DLGAP2: variants seen among roughly 807,000 people sequenced by gnomAD.
The protein encoded by DLGAP2 is DLG associated protein 2, also known as disks large-associated protein 2.
In DLGAP2, 26 loss-of-function variants were observed where a neutral mutation model predicts 100.3. The observed-to-expected ratio is 0.26, with a 90% CI of 0.19 to 0.36. The LOEUF (loss-of-function observed/expected upper bound fraction) is 0.36, where lower values mean the gene tolerates loss of function less well. DLGAP2 is among the 10% of genes least tolerant of loss of function. The probability of loss-of-function intolerance (pLI) is 1.00; values close to 1 mark genes in which losing one functional copy is unlikely to be tolerated. For synonymous variants in DLGAP2, 886 were observed against 630.1 expected (o/e 1.41, Z -6.08); for missense variants, 1,858 against 1,453.2 (o/e 1.28, Z -4.53).
chr8:1,365,828 G>A (rs972229213), intron 3 of DLGAP2, among the ~76,000 whole-genome samples: 3 of 152,252 alleles, frequency 2.0e-5, no homozygotes, highest in Non-Finnish European at 1.5e-5. Flanking sequence ...GGGGCCCTGG[G>A]GGGCCGCAGC....
At position 1,502,828 on chromosome 8, in the gene DLGAP2, C is replaced by A. The variant is rs568539235; in HGVS notation, c.172+1397C>A. Among the ~76,000 whole-genome samples, 5 of 152,308 alleles carry A rather than the reference C, an allele frequency of 3.3e-5. No homozygotes were observed. In the East Asian group the frequency reaches 7.7e-4, roughly 24 times the overall value. On this transcript the variant is annotated intron_variant, in intron 4 of 14. Coordinates refer to ENST00000637795, the MANE Select transcript of DLGAP2 (RefSeq NM_001346810.2). Reference sequence around the variant, plus strand: ...TGTCATAGTTGTGTCTATTCCAGTTCTTCTCCATAGCAGCGGCGCCCACGT... The same window carrying A: ...TGTCATAGTTGTGTCTATTCCAGTTATTCTCCATAGCAGCGGCGCCCACGT...
Position 1,274,695 on chromosome 8 carries a change from C to CTTT in DLGAP2, c.106+15839_106+15841dup, listed in dbSNP as rs145930765. Among the ~76,000 whole-genome samples the CTTT allele has an allele frequency of 3.6e-4, 8 of 22,210 alleles. 1 individual carries two copies. Among genetic ancestry groups the CTTT allele is most frequent in the East Asian group, 1.5e-3 (1 of 664 alleles). The allele number at this position is 22,210 out of a possible 152,430, so 14.6% of individuals were successfully genotyped here. A position where few individuals can be genotyped will look rare whatever the true frequency, so the allele number is the denominator to read the frequency against. On this transcript the variant is annotated intron_variant, in intron 3 of 14. Coordinates refer to ENST00000637795, the MANE Select transcript of DLGAP2 (RefSeq NM_001346810.2). ...TTCTGAGATAGTTGTTTTCATTTAT[C>CTTT]TTTTTTTTTTTTTTTTTTTTTTTTT...
In DLGAP2 at chr8:1,530,025, G is replaced by A. The variant is rs149918176; in HGVS notation, c.173-18601G>A. ...GGGTGAGATCACAGGACCACAGGAC[G>A]GGAGCGAAATTAAAATTGCTAATGA... On this transcript the variant is annotated intron_variant, in intron 4 of 14. Coordinates refer to ENST00000637795, the MANE Select transcript of DLGAP2 (RefSeq NM_001346810.2). Among the ~76,000 whole-genome samples, 202 of 152,294 alleles carry A rather than the reference G, an allele frequency of 1.3e-3. 1 individual carries two copies. The highest frequency in any genetic ancestry group is 4.5e-3 in the African/African-American group (188 of 41,558).
At chr8:1,163,678 G>A (rs1796936187) in intron 2 of DLGAP2, among the ~76,000 whole-genome samples, 1 of 152,208 alleles carries the variant, frequency 6.6e-6, no homozygotes, top group Non-Finnish European at 1.5e-5. Flanking sequence ...TCGAGAAAAC[G>A]CTTCAGGAGC....
At chr8:870,540 C>CTCCTCTCACTTCCTGCTCTGTT in intron 1 of DLGAP2, among the ~76,000 whole-genome samples, 2 of 152,112 alleles carry the variant, frequency 1.3e-5, no homozygotes, top group Non-Finnish European at 2.9e-5. Flanking sequence ...CCTGCTCTGT[C>CTCCTCTCACTTCCTGCTCTGTT]TCCTCTCACT....
chr8:838,088 C>T (rs771762479), intron 1 of DLGAP2, among the ~76,000 whole-genome samples: 42 of 151,012 alleles, frequency 2.8e-4, no homozygotes, highest in Non-Finnish European at 5.0e-4. Flanking sequence ...TGTGTGGATC[C>T]TGTAGTGTGG....
At chr8:904,803 C>T (rs560950562) in intron 1 of DLGAP2, among the ~76,000 whole-genome samples, 19 of 152,342 alleles carry the variant, frequency 1.2e-4, no homozygotes, top group African/African-American at 4.6e-4. Flanking sequence ...AGCTGCTAAA[C>T]GCTGCTGTAG....
chr8:1,664,892 GTCTT>G (rs1798504880), intron 8 of DLGAP2, among the ~76,000 whole-genome samples: 1 of 152,190 alleles, frequency 6.6e-6, no homozygotes, highest in African/African-American at 2.4e-5. Flanking sequence ...AGAGCATCAT[GTCTT>G]TCTTTTGTCA....
chr8:1,457,860 T>C (rs917791788), intron 3 of DLGAP2, among the ~76,000 whole-genome samples: 1 of 151,646 alleles, frequency 6.6e-6, no homozygotes, highest in African/African-American at 2.4e-5. Context: ...TCATTTTCTT[T>C]GTTAATTCTA....
intron 6 of DLGAP2, among the ~76,000 whole-genome samples, chr8:1,573,623 C>A (rs1219783937): frequency 6.7e-6 from 1 of 148,662 alleles, no homozygotes; most frequent in Non-Finnish European, 1.5e-5. Context: ...CAGGAAACAT[C>A]ACGTGCTGTT....
chr8:1,064,731 A>G (rs2701937), intron 2 of DLGAP2, among the ~76,000 whole-genome samples: 3,486 of 152,272 alleles, frequency 0.023, 123 homozygotes, highest in African/African-American at 0.08. Flanking sequence ...AAGCTCTGCC[A>G]ATTATATATA....
chr8:746,627 C>T (rs1820624361), intron 1 of DLGAP2, among the ~76,000 whole-genome samples: 1 of 152,254 alleles, frequency 6.6e-6, no homozygotes, highest in Non-Finnish European at 1.5e-5. Flanking sequence ...GATCAGAATG[C>T]CAGCTGCACA....
intron 2 of DLGAP2, among the ~76,000 whole-genome samples, chr8:1,127,424 G>C (rs1340796101): frequency 6.6e-6 from 1 of 151,546 alleles, no homozygotes; most frequent in African/African-American, 2.4e-5. Context: ...CTTCGTGTGT[G>C]GAGGCCCCTT....
intron 7 of DLGAP2, among the ~76,000 whole-genome samples, chr8:1,632,299 A>G (rs962784714): frequency 3.3e-5 from 5 of 152,214 alleles, no homozygotes; most frequent in Non-Finnish European, 7.3e-5. Context: ...ATGAGTTTAG[A>G]AGCCAAATTT....
intron 4 of DLGAP2, among the ~76,000 whole-genome samples, chr8:1,533,446 C>G (rs1801053125): frequency 6.6e-6 from 1 of 151,590 alleles, no homozygotes; most frequent in Non-Finnish European, 1.5e-5. Flanking sequence ...GCAGAGTTTG[C>G]AGTGAGCCGA....
chr8:1,317,017 G>A (rs184865676), intron 3 of DLGAP2, among the ~76,000 whole-genome samples: 2,060 of 89,596 alleles, frequency 0.023, 438 homozygotes, highest in African/African-American at 0.11. Context: ...CGAGAAACTC[G>A]GCAGCTTTTA....
At chr8:959,539 G>C (rs1230632085) in intron 2 of DLGAP2, among the ~76,000 whole-genome samples, 2 of 152,258 alleles carry the variant, frequency 1.3e-5, no homozygotes, top group Admixed American at 1.3e-4. Flanking sequence ...GCAACAGAAA[G>C]CTCTGTGCCC....
chr8:1,300,000 G>A (rs1800293068), intron 3 of DLGAP2: 1 of 152,168 alleles, frequency 6.6e-6, no homozygotes, highest in African/African-American at 2.4e-5. Context: ...TGCTCACTGT[G>A]TCCTCAGGGA....
intron 2 of DLGAP2, among the ~76,000 whole-genome samples, chr8:952,791 C>T (rs896357020): frequency 6.6e-6 from 1 of 152,118 alleles, no homozygotes; most frequent in African/African-American, 2.4e-5. Context: ...TCTCTAATTT[C>T]TGGTATATTA....
Sources: allele counts gnomAD v4.1 joint callset (sites outside exome capture counted in the v4.1 genomes callset), GRCh38; gene constraint gnomAD v4.1.1; transcripts MANE v1.5; gene names NCBI Gene and HGNC (gene_info 2026-07-23, HGNC 2026-07-21).